Variants in ROR1 observed in about 807,000 individuals in gnomAD.
ROR1 encodes the protein inactive tyrosine-protein kinase transmembrane receptor ROR1.
A neutral mutation model predicts 78.8 loss-of-function variants in ROR1; 19 were observed. The observed-to-expected ratio is 0.24, with a 90% CI of 0.17 to 0.35. The LOEUF (loss-of-function observed/expected upper bound fraction) is 0.35, where lower values mean the gene tolerates loss of function less well. ROR1 is among the 10% of genes least tolerant of loss of function. ROR1 has a pLI of 1.00. For synonymous variants in ROR1, 386 were observed against 433.6 expected (o/e 0.89, Z 1.36); for missense variants, 917 against 1,177.8 (o/e 0.78, Z 3.24).
At chr1:63,827,352 C>T (rs1644960511) in intron 1 of ROR1, among the ~76,000 whole-genome samples, 1 of 152,134 alleles carries the variant, frequency 6.6e-6, no homozygotes, top group Non-Finnish European at 1.5e-5. Context: ...GTCATGAAAC[C>T]TTTGCCTACA....
At chr1:63,865,999 C>T (rs1645213308) in intron 1 of ROR1, among the ~76,000 whole-genome samples, 1 of 152,120 alleles carries the variant, frequency 6.6e-6, no homozygotes. Context: ...TAGCAGTTGC[C>T]TAGTCACCCC....
intron 1 of ROR1, among the ~76,000 whole-genome samples, chr1:63,945,027 G>A (rs545981646): frequency 2.0e-5 from 3 of 152,150 alleles, no homozygotes; most frequent in African/African-American, 7.2e-5. Context: ...CTGGGCTTTG[G>A]TAATTTTTTA....
In ROR1 at chr1:64,126,333, G is replaced by A. The variant is rs568868985; in HGVS notation, c.483-11036G>A. On this transcript the variant is annotated intron_variant, in intron 4 of 8. Transcript: ENST00000371079. The stretch of plus-strand genomic sequence containing the variant: ...TGATTGCTGTTAATGTGCTAGGACT[G>A]TTGCCAGTGGACTTTATACAATAGA... 2.0e-5 allele frequency among the ~76,000 whole-genome samples: 3 copies of A among 152,286 alleles called. No homozygotes were observed. The South Asian group carries it at 6.2e-4, about 32-fold the overall frequency.
At chr1:63,980,013 T>C (rs1417570758) in intron 1 of ROR1, among the ~76,000 whole-genome samples, 1 of 151,986 alleles carries the variant, frequency 6.6e-6, no homozygotes, top group African/African-American at 2.4e-5. Flanking sequence ...TTAAAGGGAA[T>C]AAATGAGAAG....
intron 1 of ROR1, among the ~76,000 whole-genome samples, chr1:63,796,180 G>T (rs1315722358): frequency 6.6e-6 from 1 of 151,998 alleles, no homozygotes. Context: ...TACAAAGGAT[G>T]ACATCAGGGC....
chr1:63,945,322 C>T (rs528222181), intron 1 of ROR1, among the ~76,000 whole-genome samples: 9 of 152,222 alleles, frequency 5.9e-5, no homozygotes, highest in Admixed American at 3.3e-4. Flanking sequence ...ACAGCTTTCA[C>T]GGAACAATAT....
At position 64,052,202 on chromosome 1, in the gene ROR1, T is replaced by C. The variant is rs76935233; in HGVS notation, c.482+1486T>C. On this transcript the variant is annotated intron_variant, in intron 4 of 8. Transcript: ENST00000371079. The stretch of plus-strand genomic sequence containing the variant: ...CTAATCTGCTTTTTTTTTTTTTTTT[T>C]CAATGGTCTCACCATTGGTTATATG... 2.5e-3 allele frequency among the ~76,000 whole-genome samples: 376 copies of C among 151,272 alleles called. 1 individual carries two copies. Among genetic ancestry groups the C allele is most frequent in the Non-Finnish European group, 3.9e-3 (265 of 67,922 alleles).
At chr1:63,996,548 G>A (rs1054789696) in intron 1 of ROR1, among the ~76,000 whole-genome samples, 7 of 152,184 alleles carry the variant, frequency 4.6e-5, no homozygotes, top group Admixed American at 6.5e-5. Context: ...CAGGATGATA[G>A]TAATCCTCTT....
At chr1:64,016,345 A>G (rs1369989350) in intron 2 of ROR1, among the ~76,000 whole-genome samples, 1 of 152,234 alleles carries the variant, frequency 6.6e-6, no homozygotes, top group Non-Finnish European at 1.5e-5. Flanking sequence ...CTTAATATAG[A>G]AAAGAAAATA....
chr1:64,008,133 A>G (rs11208338), intron 1 of ROR1, among the ~76,000 whole-genome samples: 4,511 of 152,118 alleles, frequency 0.03, 253 homozygotes, highest in African/African-American at 0.1. Context: ...CACTCCCTCT[A>G]TCCTTTTGTA....
chr1:63,960,905 G>A (rs867929973), intron 1 of ROR1, among the ~76,000 whole-genome samples: 5 of 152,134 alleles, frequency 3.3e-5, no homozygotes, highest in Admixed American at 6.5e-5. Flanking sequence ...TGTTGAGGAG[G>A]GAGTCTGAAA....
At chr1:63,972,377 A>AT (rs1173865007) in intron 1 of ROR1, among the ~76,000 whole-genome samples, 3 of 152,002 alleles carry the variant, frequency 2.0e-5, no homozygotes, top group Admixed American at 6.6e-5. Flanking sequence ...ACTTTGGTGC[A>AT]TTTTTTCTCT....
At chr1:63,783,730 C>T (rs1157421997) in intron 1 of ROR1, among the ~76,000 whole-genome samples, 4 of 152,190 alleles carry the variant, frequency 2.6e-5, no homozygotes, top group South Asian at 2.1e-4. Flanking sequence ...ACTCTTCCAA[C>T]GACCACATGT....
chr1:63,986,718 A>G (rs920102088), intron 1 of ROR1, among the ~76,000 whole-genome samples: 3 of 151,332 alleles, frequency 2.0e-5, no homozygotes, highest in African/African-American at 4.9e-5. Flanking sequence ...CATGGTGGAG[A>G]CTCTCTCTAC....
chr1:63,903,940 G>A (rs1470895229), intron 1 of ROR1, among the ~76,000 whole-genome samples: 1 of 152,154 alleles, frequency 6.6e-6, no homozygotes, highest in African/African-American at 2.4e-5. Flanking sequence ...CAATACAAGG[G>A]AGAGACCTCT....
At chr1:63,865,626 T>C (rs1328955174) in intron 1 of ROR1, among the ~76,000 whole-genome samples, 3 of 152,158 alleles carry the variant, frequency 2.0e-5, no homozygotes, top group Non-Finnish European at 2.9e-5. Flanking sequence ...GTCAGGCATG[T>C]TTATATGTTT....
intron 1 of ROR1, among the ~76,000 whole-genome samples, chr1:63,850,874 T>C (rs2100330205): frequency 6.6e-6 from 1 of 152,298 alleles, no homozygotes; most frequent in East Asian, 1.9e-4. Context: ...TGGGGCCCAA[T>C]TTACAGTAGG....
intron 1 of ROR1, among the ~76,000 whole-genome samples, chr1:63,860,699 G>A (rs1379968294): frequency 6.6e-6 from 1 of 150,940 alleles, no homozygotes; most frequent in Non-Finnish European, 1.5e-5. Context: ...GACCTGGGAG[G>A]TGGAGGTTGC....
At chr1:64,037,942 A>G (rs548179287) in intron 2 of ROR1, among the ~76,000 whole-genome samples, 3 of 151,968 alleles carry the variant, frequency 2.0e-5, no homozygotes, top group South Asian at 4.2e-4. Context: ...TCAAGGCCCA[A>G]TGCAAGCACC....
Sources: gnomAD v4.1 joint callset for allele counts (sites outside exome capture counted in the v4.1 genomes callset) on GRCh38, gnomAD v4.1.1 for gene constraint, MANE v1.5 for transcripts, NCBI Gene and HGNC (gene_info 2026-07-23, HGNC 2026-07-21) for gene names.